Variants in SEMA6D observed in about 807,000 individuals in gnomAD.
The protein encoded by SEMA6D is semaphorin 6D, also known as semaphorin-6D.
SEMA6D carries 35 observed loss-of-function variants against 106.6 expected under a neutral mutation model. The ratio of observed to expected loss-of-function variants is 0.33; its 90% CI spans 0.25 to 0.44. SEMA6D has a LOEUF of 0.44. Among genes scored for constraint, SEMA6D ranks in the 20% least tolerant of loss-of-function variants. The pLI is 1.00. For synonymous variants in SEMA6D, 499 were observed against 487.7 expected (o/e 1.02, Z -0.31); for missense variants, 1,185 against 1,345.9 (o/e 0.88, Z 1.87).
chr15:47,551,683 G>GTGTGTGTGTGTGTGTGTGTA (rs1249345889), intron 3 of SEMA6D, among the ~76,000 whole-genome samples: 1 of 151,544 alleles, frequency 6.6e-6, no homozygotes, highest in Non-Finnish European at 1.5e-5. Flanking sequence ...CTGTGTGTGT[G>GTGTGTGTGTGTGTGTGTGTA]TGTGTGTGTG....
intron 4 of SEMA6D, among the ~76,000 whole-genome samples, chr15:47,665,002 G>T (rs2077996962): frequency 6.6e-6 from 1 of 152,096 alleles, no homozygotes; most frequent in African/African-American, 2.4e-5. Context: ...GGGGGGCGTG[G>T]TTAACAATTC....
At chr15:47,607,189 A>G (rs1461081828) in intron 4 of SEMA6D, among the ~76,000 whole-genome samples, 1 of 152,226 alleles carries the variant, frequency 6.6e-6, no homozygotes, top group Non-Finnish European at 1.5e-5. Context: ...CTTTTTAAAA[A>G]GAAGTTTATT....
In SEMA6D at chr15:47,717,624, T is replaced by A. The variant is rs1215842462; in HGVS notation, c.-123T>A. 2 of 152,064 alleles carry A rather than the reference T, an allele frequency of 1.3e-5. No homozygotes were observed. Among genetic ancestry groups the A allele is most frequent in the East Asian group, 3.9e-4 (2 of 5,170 alleles). 9.4% of individuals were successfully genotyped at this position (152,064 alleles called of 1,614,324 possible). A position where few individuals can be genotyped will look rare whatever the true frequency, so the allele number is the denominator to read the frequency against. On this transcript the variant is annotated 5_prime_UTR_variant, in exon 1 of 19. Transcript: ENST00000536845. Reference sequence around the variant, plus strand: ...TTTTACAATATTTTTCTTTATTTTCTTTCTTCCTTGCGCGTGGCAAGCTTT... The same window carrying A: ...TTTTACAATATTTTTCTTTATTTTCATTCTTCCTTGCGCGTGGCAAGCTTT...
chr15:47,581,973 A>T (rs1339244929), intron 3 of SEMA6D, among the ~76,000 whole-genome samples: 1 of 152,192 alleles, frequency 6.6e-6, no homozygotes, highest in Non-Finnish European at 1.5e-5. Flanking sequence ...GAGGATATCG[A>T]TTGGGAAATT....
At chr15:47,494,742 A>ATT (rs1491320146) in intron 3 of SEMA6D, among the ~76,000 whole-genome samples, 5 of 3,662 alleles carry the variant, frequency 1.4e-3, no homozygotes, top group African/African-American at 0.01. Context: ...TGGGATGGAG[A>ATT]TATATATATA....
At chr15:47,669,852 G>A (rs1203153571) in intron 4 of SEMA6D, among the ~76,000 whole-genome samples, 4 of 152,094 alleles carry the variant, frequency 2.6e-5, no homozygotes, top group South Asian at 2.1e-4. Flanking sequence ...GAAGTCTAAC[G>A]CTTAGCAGCT....
intron 1 of SEMA6D, among the ~76,000 whole-genome samples, chr15:47,194,217 A>T (rs752567860): frequency 7.2e-5 from 11 of 152,178 alleles, no homozygotes; most frequent in Non-Finnish European, 1.0e-4. Context: ...CTTAATATTT[A>T]CAAGGTCAAA....
intron 1 of SEMA6D, among the ~76,000 whole-genome samples, chr15:47,350,016 G>A (rs1395945493): frequency 1.3e-5 from 2 of 152,134 alleles, no homozygotes; most frequent in African/African-American, 4.8e-5. Flanking sequence ...TCAGAAATCA[G>A]CATAATACAA....
chr15:47,764,451 A>T, intron 11 of SEMA6D, 146 bp downstream of exon 11: 1 of 1,259,444 alleles, frequency 7.9e-7, no homozygotes, highest in East Asian at 2.5e-5. Context: ...TAGCCTTGTG[A>T]CCTGCAAGCC....
chr15:47,323,321 G>C (rs1248934997), intron 1 of SEMA6D, among the ~76,000 whole-genome samples: 1 of 152,150 alleles, frequency 6.6e-6, no homozygotes, highest in African/African-American at 2.4e-5. Context: ...CTATCAAGAG[G>C]TCTAGGGTAC....
At chr15:47,699,085 C>T (rs1484492969) in intron 4 of SEMA6D, among the ~76,000 whole-genome samples, 2 of 152,140 alleles carry the variant, frequency 1.3e-5, no homozygotes, top group African/African-American at 4.8e-5. Flanking sequence ...ATTATCTATA[C>T]TCTTTATTGA....
intron 3 of SEMA6D, among the ~76,000 whole-genome samples, chr15:47,583,109 T>G (rs1479870719): frequency 2.6e-5 from 4 of 152,196 alleles, no homozygotes. Flanking sequence ...CTGGACCTCC[T>G]CCTAGGATGT....
chr15:47,558,131 G>A (rs896001166), intron 3 of SEMA6D, among the ~76,000 whole-genome samples: 6 of 152,206 alleles, frequency 3.9e-5, no homozygotes, highest in East Asian at 1.9e-4. Flanking sequence ...AGGTACAATC[G>A]TGGTAGATCA....
At chr15:47,304,568 C>G (rs1015104057) in intron 1 of SEMA6D, among the ~76,000 whole-genome samples, 1 of 150,046 alleles carries the variant, frequency 6.7e-6, no homozygotes, top group African/African-American at 2.5e-5. Flanking sequence ...ATTGGTAAAA[C>G]TACTCCAGGT....
intron 1 of SEMA6D, among the ~76,000 whole-genome samples, chr15:47,218,142 A>G (rs1351477243): frequency 6.6e-6 from 1 of 152,080 alleles, no homozygotes; most frequent in Non-Finnish European, 1.5e-5. Flanking sequence ...GTTTGTTTTC[A>G]TTGGGAAAAT....
chr15:47,552,250 C>T (rs1453406265), intron 3 of SEMA6D, among the ~76,000 whole-genome samples: 1 of 151,808 alleles, frequency 6.6e-6, no homozygotes, highest in East Asian at 1.9e-4. Flanking sequence ...TGAGGAAAAC[C>T]ACAAAATTAT....
intron 4 of SEMA6D, among the ~76,000 whole-genome samples, chr15:47,654,810 C>T (rs1043091043): frequency 5.9e-5 from 9 of 152,222 alleles, no homozygotes; most frequent in Non-Finnish European, 1.0e-4. Context: ...TGAGGTTTCT[C>T]CAGAAGCTGA....
chr15:47,693,837 G>A (rs111616492), intron 4 of SEMA6D, among the ~76,000 whole-genome samples: 2,154 of 152,190 alleles, frequency 0.014, 53 homozygotes, highest in African/African-American at 0.05. Context: ...CTACTTGGGA[G>A]GCTGAGTTAG....
chr15:47,316,391 C>T (rs961992005), intron 1 of SEMA6D, among the ~76,000 whole-genome samples: 1 of 151,930 alleles, frequency 6.6e-6, no homozygotes, highest in African/African-American at 2.4e-5. Flanking sequence ...TGCAACTGGC[C>T]TCCTTTTCTT....
Sources: gnomAD v4.1 joint callset for allele counts (sites outside exome capture counted in the v4.1 genomes callset) on GRCh38, gnomAD v4.1.1 for gene constraint, MANE v1.5 for transcripts, NCBI Gene and HGNC (gene_info 2026-07-23, HGNC 2026-07-21) for gene names.